ICA1: variants seen among roughly 807,000 people sequenced by gnomAD.
ICA1 encodes islet cell autoantigen 1.
ICA1 carries 40 observed loss-of-function variants against 71.0 expected under a neutral mutation model. The observed-to-expected ratio is 0.56, with a 90% CI of 0.44 to 0.73. ICA1 has a LOEUF of 0.73. Ranked by LOEUF, ICA1 falls within the 30% of genes least tolerant of loss-of-function variation. The pLI, the probability that ICA1 is intolerant of heterozygous loss-of-function variation, is 0.00. For missense variants in ICA1, 578 were observed against 576.5 expected, an observed-to-expected ratio of 1.00 and a Z score of -0.03; for synonymous variants, 207 against 209.5, an observed-to-expected ratio of 0.99 and a Z score of 0.10.
At chr7:8,252,303 G>C (rs565575240) in intron 1 of ICA1, among the ~76,000 whole-genome samples, 6 of 152,166 alleles carry the variant, frequency 3.9e-5, no homozygotes, top group South Asian at 4.1e-4. Context: ...TTCTGTGAAG[G>C]AATACTACGC....
At chr7:8,170,470 T>C (rs1188178818) in intron 6 of ICA1, among the ~76,000 whole-genome samples, 1 of 152,004 alleles carries the variant, frequency 6.6e-6, no homozygotes, top group Non-Finnish European at 1.5e-5. Context: ...GAATGCATTC[T>C]CTCTCTCCAT....
intron 7 of ICA1, 147 bp downstream of exon 7, chr7:8,158,380 A>G (rs1802485832): frequency 1.1e-6 from 1 of 926,242 alleles, no homozygotes; most frequent in Non-Finnish European, 1.6e-6. Context: ...GTAGGGCCCT[A>G]GAAGGCAGAG....
intron 1 of ICA1, among the ~76,000 whole-genome samples, chr7:8,249,764 C>T (rs1807492567): frequency 6.6e-6 from 1 of 152,208 alleles, no homozygotes; most frequent in African/African-American, 2.4e-5. Context: ...AATAATTTTA[C>T]AGAACTCAAT....
At chr7:8,168,995 C>T (rs1384301628) in intron 6 of ICA1, among the ~76,000 whole-genome samples, 1 of 152,042 alleles carries the variant, frequency 6.6e-6, no homozygotes, top group Non-Finnish European at 1.5e-5. Context: ...CCTAAAAGTT[C>T]CCGTTGTAGT....
At chr7:8,250,159 A>C (rs1807657983) in intron 1 of ICA1, among the ~76,000 whole-genome samples, 1 of 152,190 alleles carries the variant, frequency 6.6e-6, no homozygotes, top group Admixed American at 6.5e-5. Flanking sequence ...CTTTTGGGCA[A>C]AGTATGTTTT....
At position 8,221,373 on chromosome 7, in the gene ICA1, C is replaced by G; in HGVS notation, c.282G>C (p.Leu94=). The part of the protein sequence containing the change: ...ICFLSQEENE[L]GKFLRSQGFQ... ...AACCTTGGGATCGAAGAAATTTTCC[C>G]AGTTCGTTTTCTTCTTGAGACAAGA... Residue 94 remains leucine, a synonymous_variant, in exon 5 of 14, where the codon CTG becomes CTC. Transcript: ENST00000402384. 1 of 1,613,546 alleles carries G rather than the reference C, an allele frequency of 6.2e-7. No individual in the cohort carries two copies. Among genetic ancestry groups the G allele is most frequent in the Non-Finnish European group, 8.5e-7 (1 of 1,179,598 alleles).
chr7:8,232,570 G>A lies in ICA1; in HGVS notation c.183+20C>T, dbSNP rs144558297. 2.5e-4 allele frequency: 395 copies of A among 1,591,236 alleles called. 1 individual carries two copies. In the African/African-American group the frequency reaches 4.8e-3, roughly 19 times the overall value. On this transcript the variant is annotated intron_variant, in intron 3 of 13. Coordinates refer to ENST00000402384, the MANE Select transcript of ICA1 (RefSeq NM_001136020.3). ...CTAGCAAGGTGGCTGTGTTGGGGCT[G>A]ACAGCAATAAAGAGCTCACCTCTAG...
chr7:8,206,792 C>G (rs1386931307), intron 6 of ICA1, among the ~76,000 whole-genome samples: 4 of 151,536 alleles, frequency 2.6e-5, no homozygotes, highest in African/African-American at 9.7e-5. Flanking sequence ...CATATTTTGC[C>G]CCACTATTTT....
intron 8 of ICA1, among the ~76,000 whole-genome samples, chr7:8,153,563 T>G (rs915688351): frequency 1.8e-4 from 27 of 152,070 alleles, no homozygotes; most frequent in African/African-American, 6.3e-4. Flanking sequence ...AATGACATCC[T>G]CGAAAGATGA....
chr7:8,124,350 ACCTCATGAT>A (rs1208694725), intron 13 of ICA1, among the ~76,000 whole-genome samples: 1 of 150,776 alleles, frequency 6.6e-6, no homozygotes, highest in African/African-American at 2.4e-5. Flanking sequence ...CGACCTCTTG[ACCTCATGAT>A]CCGCCCACCT....
In ICA1 at chr7:8,130,352, C is replaced by G. The variant is rs1461783176; in HGVS notation, c.1061-2210G>C. Among the ~76,000 whole-genome samples the G allele has an allele frequency of 6.6e-6, 1 of 152,200 alleles. No homozygotes were observed. The highest frequency in any genetic ancestry group is 1.5e-5 in the Non-Finnish European group (1 of 68,028). On this transcript the variant is annotated intron_variant, in intron 12 of 13. Transcript: ENST00000402384. This position sits in a 1 kb window ranked among gnomAD's most constrained non-coding sequence, Gnocchi z 4.2. ...GGTGGCCCACCTCTGTGGATGAAGG[C>G]AGGAGCTGAAGGAAAGGAAAGCAAC...
rs967082747 is a variant in ICA1 at position 8,113,659 on chromosome 7, A to G, written c.*264T>C. ...GCCCAGTGACACCGCAGCAGCCATG[A>G]TGGGATGTAGGCAGGAGAGCGGTGG... On this transcript the variant is annotated 3_prime_UTR_variant, in exon 14 of 14. Coordinates refer to ENST00000402384, the MANE Select transcript of ICA1 (RefSeq NM_001136020.3). The surrounding 1 kb of genome is among the most constrained non-coding windows in gnomAD (Gnocchi z 4.2). 5 of 313,548 alleles carry G rather than the reference A, an allele frequency of 1.6e-5. No homozygotes were observed. The highest frequency in any genetic ancestry group is 1.3e-4 in the Admixed American group (3 of 23,354). The allele number at this position is 313,548 out of a possible 1,614,324, so 19.4% of individuals were successfully genotyped here. A position where few individuals can be genotyped will look rare whatever the true frequency, so the allele number is the denominator to read the frequency against.
At chr7:8,218,542 C>T in intron 5 of ICA1, 39 bp from the exon 6 acceptor site, 1 of 1,554,938 alleles carries the variant, frequency 6.4e-7, no homozygotes, top group Non-Finnish European at 8.9e-7. Context: ...AAAACTAAGC[C>T]AGTGAGCAAT....
Position 8,205,599 on chromosome 7 carries a change from T to C in ICA1, c.579+12706A>G, listed in dbSNP as rs187739688. ...AAAATAAGCTAGTAATAAACAAATA[T>C]TATGAAGCCAGAGGGATATTAGTTT... On this transcript the variant is annotated intron_variant, in intron 6 of 13. Transcript: ENST00000402384. 3.5e-3 allele frequency among the ~76,000 whole-genome samples: 537 copies of C among 152,308 alleles called. 9 individuals are homozygous for C. The highest frequency in any genetic ancestry group is 0.013 in the African/African-American group (520 of 41,562).
chr7:8,124,159 C>G (rs1248503287), intron 13 of ICA1, among the ~76,000 whole-genome samples: 1 of 127,418 alleles, frequency 7.8e-6, no homozygotes, highest in Non-Finnish European at 1.6e-5. Flanking sequence ...CTCGCTCTGT[C>G]GCCCAGGCTG....
intron 6 of ICA1, among the ~76,000 whole-genome samples, chr7:8,216,732 T>G (rs1795534073): frequency 6.6e-6 from 1 of 152,192 alleles, no homozygotes; most frequent in Non-Finnish European, 1.5e-5. Context: ...CTTTTTCAAT[T>G]TTAGGTATTC....
At chr7:8,214,831 T>G (rs1185214425) in intron 6 of ICA1, among the ~76,000 whole-genome samples, 1 of 152,220 alleles carries the variant, frequency 6.6e-6, no homozygotes, top group East Asian at 1.9e-4. Context: ...CTGAAGACAC[T>G]ATGAAAAAAG....
intron 6 of ICA1, among the ~76,000 whole-genome samples, chr7:8,176,085 A>T (rs930822859): frequency 2.6e-5 from 4 of 152,262 alleles, no homozygotes; most frequent in African/African-American, 9.6e-5. Context: ...TCCTAAAAGC[A>T]AACAGCCAGT....
Position 8,157,147 on chromosome 7 carries a change from C to A in ICA1, c.773G>T (p.Gly258Val). ...TMAAIHESFK[G>V]YQPYEFTTLK... ...AGTAGTAAATTCATATGGTTGATAACCTTTGAAACTCTCATGGATGGCTGC... is the reference window on the plus strand; with the variant it reads ...AGTAGTAAATTCATATGGTTGATAAACTTTGAAACTCTCATGGATGGCTGC... The change falls in exon 8 of 14, where the codon GGT (glycine) becomes GTT (valine). Residue 258 changes from glycine to valine, a missense_variant. Coordinates refer to ENST00000402384, the MANE Select transcript of ICA1 (RefSeq NM_001136020.3). 6.2e-7 allele frequency: 1 copy of A among 1,613,794 alleles called. No homozygotes were observed. Among genetic ancestry groups the A allele is most frequent in the South Asian group, 1.1e-5 (1 of 91,000 alleles).
Sources: gnomAD v4.1 joint callset for allele counts (sites outside exome capture counted in the v4.1 genomes callset) on GRCh38, gnomAD v4.1.1 for gene constraint, Gnocchi (gnomAD v3.1) non-coding constraint, MANE v1.5 for transcripts, NCBI Gene and HGNC (gene_info 2026-07-23, HGNC 2026-07-21) for gene names.